The following SLC25A21 variants were observed in gnomAD, a reference collection of about 807,000 sequenced individuals.
SLC25A21 encodes the protein mitochondrial 2-oxodicarboxylate carrier.
A neutral mutation model predicts 43.8 loss-of-function variants in SLC25A21; 47 were observed. That is an observed-to-expected ratio of 1.07 (90% CI 0.85 to 1.37). The LOEUF (loss-of-function observed/expected upper bound fraction) is 1.37, where lower values mean the gene tolerates loss of function less well. Among genes scored for constraint, SLC25A21 ranks in the 40% most tolerant of loss-of-function variants. The pLI is 0.00. For missense variants in SLC25A21, 352 were observed against 350.2 expected (o/e 1.00, Z -0.04); for synonymous variants, 131 against 121.3 (o/e 1.08, Z -0.52).
At chr14:36,948,162 A>T (rs530045989) in intron 1 of SLC25A21, among the ~76,000 whole-genome samples, 1 of 152,170 alleles carries the variant, frequency 6.6e-6, no homozygotes. Flanking sequence ...TCCCTGACAA[A>T]TATAACTAGA....
intron 1 of SLC25A21, among the ~76,000 whole-genome samples, chr14:37,116,614 T>A (rs765440571): frequency 5.9e-5 from 9 of 152,162 alleles, no homozygotes; most frequent in Non-Finnish European, 1.2e-4. Flanking sequence ...AAAAAAATAA[T>A]GTCATTAAAT....
At chr14:37,115,777 G>A (rs1963095902) in intron 1 of SLC25A21, among the ~76,000 whole-genome samples, 1 of 152,100 alleles carries the variant, frequency 6.6e-6, no homozygotes, top group Admixed American at 6.5e-5. Flanking sequence ...CAACTTCAAT[G>A]AATTGCTTCA....
intron 2 of SLC25A21, among the ~76,000 whole-genome samples, chr14:36,841,959 A>C (rs977919065): frequency 1.3e-5 from 2 of 152,228 alleles, no homozygotes; most frequent in Non-Finnish European, 2.9e-5. Context: ...ATGCAAAGCC[A>C]GAAACCTTAC....
intron 3 of SLC25A21, among the ~76,000 whole-genome samples, chr14:36,766,317 T>A (rs959427756): frequency 6.6e-6 from 1 of 152,242 alleles, no homozygotes; most frequent in African/African-American, 2.4e-5. Context: ...TAAAAATATA[T>A]GTTTTAAATA....
At chr14:36,838,291 G>C (rs1157742731) in intron 2 of SLC25A21, among the ~76,000 whole-genome samples, 1 of 152,166 alleles carries the variant, frequency 6.6e-6, no homozygotes, top group Non-Finnish European at 1.5e-5. Context: ...CCTTCGTCTG[G>C]AAGAGTGAAA....
At chr14:36,725,790 A>G (rs1458532618) in intron 5 of SLC25A21, 113 bp from the exon 6 acceptor site, 7 of 480,100 alleles carry the variant, frequency 1.5e-5, no homozygotes, top group African/African-American at 8.1e-5. Context: ...GGAGAAACCT[A>G]CATAAACGCA....
At chr14:36,808,074 TCAAATGCCCCC>T (rs1356360754) in intron 3 of SLC25A21, among the ~76,000 whole-genome samples, 2 of 152,206 alleles carry the variant, frequency 1.3e-5, no homozygotes, top group Non-Finnish European at 2.9e-5. Context: ...TAAACACAGT[TCAAATGCCCCC>T]CAAATGCAAC....
rs373479730 is a variant in SLC25A21, at chr14:36,817,203, A to C, written c.120-3202T>G. ...ATTACCTTCAACCTCAAGAAGCACA[A>C]GAAAGAAATATGAAAAAAAAACCTA... On this transcript the variant is annotated intron_variant, in intron 2 of 9. Transcript: ENST00000331299. Among the ~76,000 whole-genome samples the C allele has an allele frequency of 1.4e-3, 201 of 145,984 alleles. 3 individuals are homozygous for C. The South Asian group carries it at 0.041, about 30-fold the overall frequency.
chr14:37,079,522 A>C (rs538639410), intron 1 of SLC25A21, among the ~76,000 whole-genome samples: 65 of 152,210 alleles, frequency 4.3e-4, no homozygotes, highest in Non-Finnish European at 8.1e-4. Flanking sequence ...CCTCCACACA[A>C]CCCTTGGAGT....
chr14:37,009,334 A>C (rs965595655), intron 1 of SLC25A21, among the ~76,000 whole-genome samples: 2 of 152,068 alleles, frequency 1.3e-5, no homozygotes, highest in African/African-American at 4.8e-5. Context: ...AAAAATACAA[A>C]AATTAGCTGG....
intron 3 of SLC25A21, 30 bp from the exon 4 acceptor site, chr14:36,734,603 G>C: frequency 6.5e-7 from 1 of 1,533,456 alleles, no homozygotes; most frequent in Non-Finnish European, 8.9e-7. Flanking sequence ...TTTCCTATGA[G>C]TAAGGAAATT....
intron 1 of SLC25A21, among the ~76,000 whole-genome samples, chr14:37,085,838 G>C (rs1388596499): frequency 1.3e-5 from 2 of 152,170 alleles, no homozygotes; most frequent in Admixed American, 6.5e-5. Flanking sequence ...GGCCGCGGTG[G>C]CTTACGCCTG....
chr14:36,742,020 C>T (rs549467934), intron 3 of SLC25A21, among the ~76,000 whole-genome samples: 2 of 152,292 alleles, frequency 1.3e-5, no homozygotes, highest in South Asian at 2.1e-4. Context: ...CATATCTTTA[C>T]AATTTGTTCT....
chr14:36,926,663 AAG>A (rs751282259), intron 1 of SLC25A21, among the ~76,000 whole-genome samples: 1 of 152,118 alleles, frequency 6.6e-6, no homozygotes, highest in Non-Finnish European at 1.5e-5. Context: ...GTACATTTGG[AAG>A]AAATTACTTA....
At chr14:36,764,914 T>C (rs1050157360) in intron 3 of SLC25A21, among the ~76,000 whole-genome samples, 5 of 152,222 alleles carry the variant, frequency 3.3e-5, no homozygotes, top group Admixed American at 3.3e-4. Flanking sequence ...AGGAAGAACA[T>C]GGTGAGCCAC....
intron 3 of SLC25A21, among the ~76,000 whole-genome samples, chr14:36,742,616 T>C (rs957892189): frequency 3.9e-5 from 6 of 152,078 alleles, no homozygotes; most frequent in Admixed American, 6.6e-5. Context: ...CACATATCTT[T>C]TAGAGGGAGG....
chr14:37,004,270 T>G (rs1426976069), intron 1 of SLC25A21, among the ~76,000 whole-genome samples: 1 of 152,208 alleles, frequency 6.6e-6, no homozygotes, highest in Non-Finnish European at 1.5e-5. Context: ...AATTCTATTT[T>G]GAAATGTCAT....
intron 1 of SLC25A21, among the ~76,000 whole-genome samples, chr14:36,966,325 C>T (rs1301394507): frequency 1.3e-5 from 2 of 152,282 alleles, no homozygotes; most frequent in East Asian, 3.9e-4. Context: ...TAACAACTCC[C>T]TACCAGATGG....
At chr14:36,719,561 G>A (rs1243228691) in intron 6 of SLC25A21, among the ~76,000 whole-genome samples, 3 of 152,158 alleles carry the variant, frequency 2.0e-5, no homozygotes, top group Non-Finnish European at 4.4e-5. Context: ...TTACAGACTG[G>A]TTTTCTTTAT....
Sources: gnomAD v4.1 joint callset for allele counts (sites outside exome capture counted in the v4.1 genomes callset) on GRCh38, gnomAD v4.1.1 for gene constraint, MANE v1.5 for transcripts, NCBI Gene and HGNC (gene_info 2026-07-23, HGNC 2026-07-21) for gene names.